Variants in ADGRA3 observed in about 807,000 individuals in gnomAD.
The protein encoded by ADGRA3 is G-protein coupled receptor 125.
Under a neutral mutation model 119.8 loss-of-function variants are expected in ADGRA3, and 56 were observed. That is an observed-to-expected ratio of 0.47 (90% CI 0.38 to 0.58). The LOEUF is 0.58. Ranked by LOEUF, ADGRA3 falls within the 20% of genes least tolerant of loss-of-function variation. The pLI is 0.00. For missense variants in ADGRA3, 1,516 were observed against 1,649.0 expected (o/e 0.92, Z 1.40); for synonymous variants, 607 against 623.8 (o/e 0.97, Z 0.40).
At chr4:22,410,450 T>C (rs949425809) in intron 14 of ADGRA3, among the ~76,000 whole-genome samples, 1 of 152,134 alleles carries the variant, frequency 6.6e-6, no homozygotes, top group African/African-American at 2.4e-5. Context: ...TAGCAGGATG[T>C]ATACTCAGAT....
At chr4:22,431,549 T>C (rs574613520) in intron 10 of ADGRA3, among the ~76,000 whole-genome samples, 1 of 152,324 alleles carries the variant, frequency 6.6e-6, no homozygotes, top group Non-Finnish European at 1.5e-5. Context: ...GATGGTTTTA[T>C]AAGGGGTTTT....
chr4:22,400,957 A>G (rs1267418171), intron 16 of ADGRA3, among the ~76,000 whole-genome samples: 3 of 152,310 alleles, frequency 2.0e-5, no homozygotes, highest in Middle Eastern at 3.4e-3. Context: ...CTAAGCCTAC[A>G]TATGTAATAA....
intron 16 of ADGRA3, among the ~76,000 whole-genome samples, chr4:22,397,175 C>CTTTTTTTT (rs56918685): frequency 1.1e-4 from 10 of 93,232 alleles, no homozygotes; most frequent in East Asian, 3.1e-4. Flanking sequence ...TACTGTAATT[C>CTTTTTTTT]TTTTTTTTTT....
rs1200968685 is a variant in ADGRA3, at chr4:22,388,088, G to A, written c.3583C>T (p.Pro1195Ser). Residue 1195 changes from proline (P) to serine (S), a missense_variant, in exon 19 of 19, where the codon CCA becomes TCA. This residue lies in a region of ADGRA3 where 1,088 missense variants were observed against 1,107.1 expected (regional missense o/e 0.98). Coordinates refer to ENST00000334304, the MANE Select transcript of ADGRA3 (RefSeq NM_145290.4). ...TGCACGCTTCCTTCCACGCTCGTTG[G>A]GACATCGTAGGCATATTCTCTCAGG... ...TVLREYAYDV[P>S]TSVEGSVQNG... The A allele has an allele frequency of 1.9e-6, 3 of 1,614,124 alleles. No individual in the cohort carries two copies. The highest frequency in any genetic ancestry group is 2.5e-6 in the Non-Finnish European group (3 of 1,180,014).
At chr4:22,436,114 A>G (rs1421174400) in intron 9 of ADGRA3, among the ~76,000 whole-genome samples, 1 of 152,198 alleles carries the variant, frequency 6.6e-6, no homozygotes, top group East Asian at 1.9e-4. Context: ...CGCTTTCAAC[A>G]AAGTGATTAT....
chr4:22,476,280 T>A (rs1718039699), intron 1 of ADGRA3, among the ~76,000 whole-genome samples: 1 of 152,120 alleles, frequency 6.6e-6, no homozygotes, highest in Non-Finnish European at 1.5e-5. Flanking sequence ...TGACCCTAGC[T>A]ATCCCAAACA....
At chr4:22,479,860 C>T (rs1189266654) in intron 1 of ADGRA3, among the ~76,000 whole-genome samples, 2 of 152,126 alleles carry the variant, frequency 1.3e-5, no homozygotes, top group Non-Finnish European at 2.9e-5. Context: ...ATGGATGAAG[C>T]TGGAAACCAT....
chr4:22,415,646 ATCG>A (rs1313754159), intron 12 of ADGRA3, among the ~76,000 whole-genome samples: 1 of 152,202 alleles, frequency 6.6e-6, no homozygotes, highest in Admixed American at 6.6e-5. Context: ...ATAAAATAAT[ATCG>A]TTATACACAC....
intron 14 of ADGRA3, among the ~76,000 whole-genome samples, chr4:22,412,370 C>T (rs1715241836): frequency 6.6e-6 from 1 of 152,130 alleles, no homozygotes; most frequent in South Asian, 2.1e-4. Flanking sequence ...ACACTTGCTC[C>T]TGTACATTAA....
intron 1 of ADGRA3, among the ~76,000 whole-genome samples, chr4:22,497,674 T>C (rs946357693): frequency 6.8e-6 from 1 of 147,194 alleles, no homozygotes; most frequent in South Asian, 2.1e-4. Flanking sequence ...TCCAAAAAAA[T>C]TGGCCAGGCA....
At position 22,494,631 on chromosome 4, in the gene ADGRA3, T is replaced by C. The variant is rs541024765; in HGVS notation, c.258-20788A>G. On this transcript the variant is annotated intron_variant, in intron 1 of 18. Transcript: ENST00000334304. ...AAACTACTACACATATTATCCTAAA[T>C]AAAACTACTACAAATTACTATAAAC... Among the ~76,000 whole-genome samples, 16 of 152,104 alleles carry C rather than the reference T, an allele frequency of 1.1e-4. No homozygotes were observed. The South Asian group carries it at 1.2e-3, about 12-fold the overall frequency.
intron 1 of ADGRA3, among the ~76,000 whole-genome samples, chr4:22,504,764 A>T (rs890391690): frequency 2.0e-5 from 3 of 151,954 alleles, no homozygotes; most frequent in African/African-American, 7.3e-5. Flanking sequence ...CAGATGACAG[A>T]TGGTGACTAG....
chr4:22,479,926 A>G lies in ADGRA3; in HGVS notation c.258-6083T>C, dbSNP rs144256028. 8.5e-3 allele frequency among the ~76,000 whole-genome samples: 1,291 copies of G among 152,278 alleles called. 14 individuals are homozygous for G. Among genetic ancestry groups the G allele is most frequent in the African/African-American group, 0.03 (1,238 of 41,558 alleles). ...AACCAAATACCTCACGTTCTCACTT[A>G]TAAGTGGGAGTTGAACAATGAAAAC... is the stretch of plus-strand genomic sequence containing the variant. On this transcript the variant is annotated intron_variant, in intron 1 of 18. Transcript: ENST00000334304.
chr4:22,502,183 C>G (rs1474854326), intron 1 of ADGRA3, among the ~76,000 whole-genome samples: 1 of 152,164 alleles, frequency 6.6e-6, no homozygotes, highest in Non-Finnish European at 1.5e-5. Flanking sequence ...ACCCAAACCA[C>G]GTAAGGGTGA....
intron 8 of ADGRA3, among the ~76,000 whole-genome samples, 164 bp downstream of exon 8, chr4:22,438,092 T>C (rs1341468520): frequency 1.3e-5 from 2 of 152,210 alleles, no homozygotes; most frequent in Non-Finnish European, 2.9e-5. Context: ...CCCCTTTTGT[T>C]CATCTCCATA....
chr4:22,399,403 TG>T (rs1714515709), intron 16 of ADGRA3, among the ~76,000 whole-genome samples: 1 of 152,188 alleles, frequency 6.6e-6, no homozygotes, highest in East Asian at 1.9e-4. Context: ...ACTGTCTTAT[TG>T]GCCTTCCTTA....
intron 13 of ADGRA3, 54 bp from the exon 14 acceptor site, chr4:22,413,444 T>C (rs1715299170): frequency 6.6e-7 from 1 of 1,514,426 alleles, no homozygotes; most frequent in Non-Finnish European, 9.2e-7. Context: ...TAACCAATTA[T>C]AAATGTCAAC....
intron 1 of ADGRA3, among the ~76,000 whole-genome samples, chr4:22,496,321 T>C (rs1718824193): frequency 1.3e-5 from 2 of 152,142 alleles, no homozygotes; most frequent in African/African-American, 4.8e-5. Context: ...TGTGCCTCAC[T>C]TCCTCAAGCA....
intron 1 of ADGRA3, among the ~76,000 whole-genome samples, chr4:22,503,619 T>C (rs1054449114): frequency 2.5e-5 from 2 of 80,944 alleles, no homozygotes; most frequent in Non-Finnish European, 4.9e-5. Context: ...CTATACTAGG[T>C]ACTATGGATA....
Sources: gnomAD v4.1 joint callset for allele counts (sites outside exome capture counted in the v4.1 genomes callset) on GRCh38, gnomAD v4.1.1 for gene constraint, gnomAD v4.1.1 regional missense constraint, MANE v1.5 for transcripts, NCBI Gene and HGNC (gene_info 2026-07-23, HGNC 2026-07-21) for gene names.